The following PDE4D variants were observed in gnomAD, a reference collection of about 807,000 sequenced individuals.
The protein encoded by PDE4D is phosphodiesterase 4D.
A neutral mutation model predicts 87.4 loss-of-function variants in PDE4D; 24 were observed. The observed-to-expected ratio is 0.27, with a 90% CI of 0.20 to 0.39. The LOEUF (loss-of-function observed/expected upper bound fraction) is 0.39. PDE4D is among the 10% of genes least tolerant of loss of function. The pLI, the probability that PDE4D is intolerant of heterozygous loss-of-function variation, is 1.00. For synonymous variants in PDE4D, 384 were observed against 383.2 expected, an observed-to-expected ratio of 1.00 and a Z score of -0.02; for missense variants, 714 against 1,041.0, an observed-to-expected ratio of 0.69 and a Z score of 4.32.
intron 1 of PDE4D, among the ~76,000 whole-genome samples, chr5:59,665,048 G>GT (rs1745846476): frequency 1.3e-5 from 2 of 152,104 alleles, no homozygotes; most frequent in South Asian, 4.1e-4. Flanking sequence ...GTAGTGACAT[G>GT]TCCCCCTGAA....
chr5:60,020,605 T>C (rs556334917), intron 2 of PDE4D, among the ~76,000 whole-genome samples: 24 of 152,078 alleles, frequency 1.6e-4, no homozygotes, highest in African/African-American at 5.1e-4. Context: ...AAAAAGATAA[T>C]ATACAGAGGA....
intron 1 of PDE4D, among the ~76,000 whole-genome samples, chr5:59,607,279 TGGC>T (rs1247585759): frequency 3.9e-5 from 6 of 152,152 alleles, no homozygotes; most frequent in African/African-American, 1.4e-4. Flanking sequence ...CTTGTCTCCT[TGGC>T]TGCTGTTTTA....
chr5:59,209,643 ATAACT>A (rs1321845345), intron 2 of PDE4D, among the ~76,000 whole-genome samples: 3 of 152,220 alleles, frequency 2.0e-5, no homozygotes, highest in Admixed American at 6.5e-5. Context: ...TTAAGTCCAA[ATAACT>A]TAATAAGGTT....
intron 2 of PDE4D, among the ~76,000 whole-genome samples, chr5:60,176,522 T>C (rs1402760329): frequency 6.6e-6 from 1 of 152,172 alleles, no homozygotes; most frequent in African/African-American, 2.4e-5. Context: ...CTGTGAGTTA[T>C]AGAAATGATA....
intron 1 of PDE4D, among the ~76,000 whole-genome samples, chr5:60,302,084 A>T (rs1753951466): frequency 1.3e-5 from 2 of 152,130 alleles, no homozygotes; most frequent in South Asian, 4.1e-4. Context: ...TCAGTATTTT[A>T]TTGAGGACTT....
chr5:59,005,101 C>T (rs542406651), intron 6 of PDE4D, among the ~76,000 whole-genome samples: 46 of 152,308 alleles, frequency 3.0e-4, no homozygotes, highest in African/African-American at 7.9e-4. Context: ...GGTTTTCACC[C>T]TCAGCAAAAT....
At chr5:59,514,182 T>C (rs1164185561) in intron 1 of PDE4D, among the ~76,000 whole-genome samples, 1 of 151,490 alleles carries the variant, frequency 6.6e-6, no homozygotes, top group African/African-American at 2.4e-5. Flanking sequence ...CTCGGCTCAC[T>C]GCATGCTCCG....
chr5:59,294,969 A>C lies in PDE4D; in HGVS notation c.456-79001T>G, dbSNP rs185754463. Among the ~76,000 whole-genome samples, 12 of 152,332 alleles carry C rather than the reference A, an allele frequency of 7.9e-5. No homozygotes were observed. The East Asian group carries it at 2.3e-3, about 29-fold the overall frequency. On this transcript the variant is annotated intron_variant, in intron 1 of 14. Coordinates refer to ENST00000340635, the MANE Select transcript of PDE4D (RefSeq NM_001104631.2). The stretch of plus-strand genomic sequence containing the variant: ...GATTGTCTCTTCTGGATGCTTTCAA[A>C]TGTAATTATTGGTGAAGGCTAATAG...
At chr5:60,488,146 A>C (rs1749303752), upstream of PDE4D, 1 of 152,636 alleles carries the variant, frequency 6.6e-6, no homozygotes, top group Admixed American at 6.5e-5. Context: ...CCTCATAACA[A>C]GTCTAACTGG....
chr5:60,380,101 A>G (rs1373966684), intron 1 of PDE4D, among the ~76,000 whole-genome samples: 1 of 152,178 alleles, frequency 6.6e-6, no homozygotes, highest in Non-Finnish European at 1.5e-5. Context: ...TAGGAAAGTC[A>G]TGGGTGATTG....
intron 1 of PDE4D, among the ~76,000 whole-genome samples, chr5:60,476,952 C>G (rs1239344706): frequency 1.3e-5 from 2 of 152,174 alleles, no homozygotes; most frequent in African/African-American, 4.8e-5. Context: ...TACTTTTACA[C>G]TAGTATATTA....
intron 1 of PDE4D, among the ~76,000 whole-genome samples, chr5:59,875,322 G>A (rs953187618): frequency 2.0e-5 from 3 of 151,780 alleles, no homozygotes; most frequent in Non-Finnish European, 4.4e-5. Context: ...TTAGCTGGAC[G>A]TGATGGCACT....
intron 1 of PDE4D, among the ~76,000 whole-genome samples, chr5:60,421,260 T>C: frequency 6.6e-6 from 1 of 152,172 alleles, no homozygotes; most frequent in East Asian, 1.9e-4. Flanking sequence ...CCACATAGCT[T>C]AACTGGGAGA....
intron 1 of PDE4D, among the ~76,000 whole-genome samples, chr5:59,405,740 A>C (rs1791494373): frequency 6.6e-6 from 1 of 152,140 alleles, no homozygotes; most frequent in Admixed American, 6.6e-5. Flanking sequence ...AGTTTTTATC[A>C]TGAAGGGATG....
At chr5:60,181,216 C>T (rs1292161027) in intron 2 of PDE4D, among the ~76,000 whole-genome samples, 2 of 152,026 alleles carry the variant, frequency 1.3e-5, no homozygotes, top group African/African-American at 4.8e-5. Flanking sequence ...GTGACTGCTT[C>T]TAAAAACTCA....
intron 1 of PDE4D, among the ~76,000 whole-genome samples, chr5:59,315,302 C>T (rs1773489982): frequency 6.6e-6 from 1 of 152,106 alleles, no homozygotes; most frequent in Admixed American, 6.6e-5. Context: ...TCCCCTGGAC[C>T]TGGCTGGACA....
intron 1 of PDE4D, among the ~76,000 whole-genome samples, chr5:59,305,555 T>G (rs2153562574): frequency 6.6e-6 from 1 of 152,260 alleles, no homozygotes; most frequent in Non-Finnish European, 1.5e-5. Flanking sequence ...AACTTTCCTC[T>G]TAGCACCACC....
chr5:59,168,500 C>A (rs1388069972), intron 5 of PDE4D, among the ~76,000 whole-genome samples: 1 of 152,092 alleles, frequency 6.6e-6, no homozygotes, highest in Admixed American at 6.5e-5. Flanking sequence ...AATCCTATAC[C>A]CCCTGGCAGG....
rs559298899 is a variant in PDE4D, at chr5:60,052,919, T to G, written c.43-64202A>C. Reference sequence around the variant, plus strand: ...AATAGACAAACAGAGAGCCAAATCATGAGCAAACTCCCATTTACAATTGCT... The same window carrying G: ...AATAGACAAACAGAGAGCCAAATCAGGAGCAAACTCCCATTTACAATTGCT... On this transcript the variant is annotated intron_variant, in intron 2 of 16. Coordinates refer to the PDE4D transcript ENST00000502484. Among the ~76,000 whole-genome samples the G allele has an allele frequency of 2.6e-5, 4 of 152,292 alleles. No homozygotes were observed. In the East Asian group the frequency reaches 7.7e-4, roughly 29 times the overall value.
Sources: gnomAD v4.1 joint callset for allele counts (sites outside exome capture counted in the v4.1 genomes callset) on GRCh38, gnomAD v4.1.1 for gene constraint, MANE v1.5 for transcripts, NCBI Gene and HGNC (gene_info 2026-07-23, HGNC 2026-07-21) for gene names.